PGRMC2: variants seen among roughly 807,000 people sequenced by gnomAD.
PGRMC2 encodes membrane-associated progesterone receptor component 2.
PGRMC2 carries 9 observed loss-of-function variants against 19.3 expected under a neutral mutation model. The ratio of observed to expected loss-of-function variants is 0.47; its 90% CI spans 0.28 to 0.81. The LOEUF (loss-of-function observed/expected upper bound fraction) is 0.81, where lower values mean the gene tolerates loss of function less well. Among genes scored for constraint, PGRMC2 ranks in the 40% least tolerant of loss-of-function variants. The probability of loss-of-function intolerance (pLI) is 0.11; values close to 1 mark genes in which losing one functional copy is unlikely to be tolerated. For synonymous variants in PGRMC2, 157 were observed against 124.6 expected, an observed-to-expected ratio of 1.26 and a Z score of -1.73; for missense variants, 289 against 297.3, an observed-to-expected ratio of 0.97 and a Z score of 0.21.
chr4:128,275,228 A>T (rs1760789445), intron 1 of PGRMC2, among the ~76,000 whole-genome samples: 1 of 152,202 alleles, frequency 6.6e-6, no homozygotes, highest in Admixed American at 6.5e-5. Flanking sequence ...GCCTGCAAAC[A>T]TTAATCTACT....
intron 1 of PGRMC2, among the ~76,000 whole-genome samples, chr4:128,279,001 G>T (rs1760860360): frequency 6.6e-6 from 1 of 152,166 alleles, no homozygotes; most frequent in Non-Finnish European, 1.5e-5. Context: ...CCGAGGTCAG[G>T]AGTTCGAGAC....
chr4:128,270,453 A>G lies in PGRMC2; in HGVS notation c.*863T>C, dbSNP rs868597560. On this transcript the variant is annotated 3_prime_UTR_variant, in exon 3 of 3. Transcript: ENST00000296425. ...GTTAACACTGTAATATTCCTTTTACATTCTATATACACAGAATGATATCAA... is the reference window on the plus strand; with the variant it reads ...GTTAACACTGTAATATTCCTTTTACGTTCTATATACACAGAATGATATCAA... The G allele has an allele frequency of 6.5e-6, 1 of 152,772 alleles. No homozygotes were observed. The highest frequency in any genetic ancestry group is 1.9e-4 in the East Asian group (1 of 5,188). 9.5% of individuals were successfully genotyped at this position (152,772 alleles called of 1,614,324 possible).
chr4:128,284,354 A>G (rs1760953660), intron 1 of PGRMC2, among the ~76,000 whole-genome samples: 1 of 152,198 alleles, frequency 6.6e-6, no homozygotes, highest in African/African-American at 2.4e-5. Context: ...ATACTTACCA[A>G]CTTCACTGAG....
Position 128,287,433 on chromosome 4 carries a change from G to A in PGRMC2, c.358C>T (p.Leu120=). The change falls in exon 1 of 3, where the codon CTG becomes TTG. Residue 120 remains leucine, a synonymous_variant. Coordinates refer to ENST00000296425, the MANE Select transcript of PGRMC2 (RefSeq NM_006320.6). ...AAGACTTTCCCATTGACCGCGAGCA[G>A]GATGCGCGGGTTGCGGGAGCCGTCG... ...QYDGSRNPRI[L]LAVNGKVFDV... 1.2e-6 allele frequency: 2 copies of A among 1,613,398 alleles called. No individual in the cohort carries two copies. The highest frequency in any genetic ancestry group is 1.3e-5 in the African/African-American group (1 of 74,992).
intron 1 of PGRMC2, among the ~76,000 whole-genome samples, chr4:128,285,804 C>G (rs1266660620): frequency 2.0e-5 from 3 of 152,106 alleles, no homozygotes; most frequent in Admixed American, 6.5e-5. Flanking sequence ...TCTTGTCCCA[C>G]GTGTGCTTAA....
chr4:128,283,546 G>A (rs1392048387), intron 1 of PGRMC2, among the ~76,000 whole-genome samples: 1 of 152,154 alleles, frequency 6.6e-6, no homozygotes, highest in African/African-American at 2.4e-5. Context: ...TTTATATGTG[G>A]CTAGTGTTAC....
At position 128,287,659 on chromosome 4, in the gene PGRMC2, C is replaced by G; in HGVS notation, c.132G>C (p.Ala44=). 6.5e-7 allele frequency: 1 copy of G among 1,534,434 alleles called. No individual in the cohort carries two copies. Among genetic ancestry groups the G allele is most frequent in the Non-Finnish European group, 8.7e-7 (1 of 1,143,952 alleles). ...AAEGGGWAAA[A]LALLTGGGEM... ...CCCCGCCCCCCGTCAGAAGCGCCAA[C>G]GCCGCCGCCGCCCAGCCTCCCCCTT... Residue 44 remains alanine (A), a synonymous_variant, in exon 1 of 3, where the codon GCG becomes GCC. Transcript: ENST00000296425.
intron 1 of PGRMC2, among the ~76,000 whole-genome samples, chr4:128,285,612 T>C (rs1342450736): frequency 6.6e-6 from 1 of 152,224 alleles, no homozygotes. Flanking sequence ...CAAAAGCTGA[T>C]CTTTTAGCTG....
Position 128,271,092 on chromosome 4 carries a change from T to C in PGRMC2, c.*224A>G. The C allele has an allele frequency of 2.8e-6, 1 of 352,306 alleles. No individual in the cohort carries two copies. The highest frequency in any genetic ancestry group is 4.2e-5 in the East Asian group (1 of 23,740). The allele number at this position is 352,306 out of a possible 1,614,324, so 21.8% of individuals were successfully genotyped here. On this transcript the variant is annotated 3_prime_UTR_variant, in exon 3 of 3. Transcript: ENST00000296425. ...AATCCCTGTCTCCTTCTTTTCAGGA[T>C]GATGAAGCCCCACTAGACATTACAA... is the stretch of plus-strand genomic sequence containing the variant.
At chr4:128,286,641 C>G (rs766901596) in intron 1 of PGRMC2, 1 of 398,334 alleles carries the variant, frequency 2.5e-6, no homozygotes, top group African/African-American at 2.1e-5. Flanking sequence ...GGAGCTCCAC[C>G]CCCAAAACTC....
At chr4:128,287,317 A>C in intron 1 of PGRMC2, 56 bp downstream of exon 1, 1 of 1,542,714 alleles carries the variant, frequency 6.5e-7, no homozygotes, top group Non-Finnish European at 8.8e-7. Context: ...TCCCTGTCCG[A>C]AGGGGGTTGT....
At chr4:128,273,922 A>G (rs902462872) in intron 1 of PGRMC2, among the ~76,000 whole-genome samples, 2 of 152,258 alleles carry the variant, frequency 1.3e-5, no homozygotes, top group African/African-American at 2.4e-5. Flanking sequence ...GTATTGATAC[A>G]GTAACATGAA....
At chr4:128,273,277 A>G (rs1313501189) in intron 1 of PGRMC2, among the ~76,000 whole-genome samples, 8 of 152,232 alleles carry the variant, frequency 5.3e-5, no homozygotes, top group Non-Finnish European at 1.2e-4. Context: ...ACATTAAGCA[A>G]TAATTAGCAT....
chr4:128,284,730 T>C (rs1760958812), intron 1 of PGRMC2, among the ~76,000 whole-genome samples: 1 of 152,230 alleles, frequency 6.6e-6, no homozygotes, highest in Admixed American at 6.5e-5. Context: ...AATTACTGCT[T>C]CTGAATTATT....
chr4:128,277,362 G>T (rs1371355347), intron 1 of PGRMC2, among the ~76,000 whole-genome samples: 1 of 152,106 alleles, frequency 6.6e-6, no homozygotes, highest in Non-Finnish European at 1.5e-5. Flanking sequence ...ACATATTCTT[G>T]AAACAGCAAC....
intron 1 of PGRMC2, chr4:128,286,998 A>G: frequency 2.7e-6 from 1 of 370,044 alleles, no homozygotes; most frequent in Non-Finnish European, 4.8e-6. Context: ...CCCAGGAATC[A>G]GGAGACTCAA....
chr4:128,287,172 G>T, intron 1 of PGRMC2: 2 of 523,020 alleles, frequency 3.8e-6, no homozygotes, highest in Non-Finnish European at 6.6e-6. Context: ...TTCGGGGGAA[G>T]AACTGGAGGT....
chr4:128,270,544 A>G lies in PGRMC2; in HGVS notation c.*772T>C, dbSNP rs1306602474. 2 of 152,656 alleles carry G rather than the reference A, an allele frequency of 1.3e-5. No individual in the cohort carries two copies. The highest frequency in any genetic ancestry group is 2.4e-5 in the African/African-American group (1 of 41,568). 9.5% of individuals were successfully genotyped at this position (152,656 alleles called of 1,614,324 possible). A position where few individuals can be genotyped will look rare whatever the true frequency, so the allele number is the denominator to read the frequency against. On this transcript the variant is annotated 3_prime_UTR_variant, in exon 3 of 3. Coordinates refer to ENST00000296425, the MANE Select transcript of PGRMC2 (RefSeq NM_006320.6). ...GCTGCTTGTAGTGATTTCTGAATTC[A>G]TTATAGGGGCTTTCCCTAAAAATAA...
In PGRMC2 at chr4:128,287,645, G is replaced by T; in HGVS notation, c.146C>A (p.Thr49Lys). Residue 49 changes from threonine to lysine, a missense_variant, in exon 1 of 3, where the codon ACG (threonine) becomes AAG (lysine). Physicochemically the swap from Thr to Lys is moderately conservative, Grantham distance 78. Coordinates refer to ENST00000296425, the MANE Select transcript of PGRMC2 (RefSeq NM_006320.6). ...GWAAAALALL[T>K]GGGEMLLNVA... Reference sequence around the variant, plus strand: ...GTTCAGCAGCATTTCCCCGCCCCCCGTCAGAAGCGCCAACGCCGCCGCCGC... The same window carrying T: ...GTTCAGCAGCATTTCCCCGCCCCCCTTCAGAAGCGCCAACGCCGCCGCCGC... 7.0e-7 allele frequency: 1 copy of T among 1,432,980 alleles called. No homozygotes were observed. Among genetic ancestry groups the T allele is most frequent in the Non-Finnish European group, 9.2e-7 (1 of 1,086,078 alleles). The allele number at this position is 1,432,980 out of a possible 1,614,324, so 88.8% of individuals were successfully genotyped here. A position where few individuals can be genotyped will look rare whatever the true frequency, so the allele number is the denominator to read the frequency against.
Sources: allele counts gnomAD v4.1 joint callset (sites outside exome capture counted in the v4.1 genomes callset), GRCh38; gene constraint gnomAD v4.1.1; transcripts MANE v1.5; gene names NCBI Gene and HGNC (gene_info 2026-07-23, HGNC 2026-07-21).